The following RTN4 variants were observed in gnomAD, a reference collection of about 807,000 sequenced individuals.
The protein encoded by RTN4 is reticulon-4.
RTN4 carries 32 observed loss-of-function variants against 90.4 expected under a neutral mutation model. The ratio of observed to expected loss-of-function variants is 0.35; its 90% confidence interval spans 0.27 to 0.48. The LOEUF (loss-of-function observed/expected upper bound fraction) is 0.48. Ranked by LOEUF, RTN4 falls within the 20% of genes least tolerant of loss-of-function variation. The pLI, the probability that RTN4 is intolerant of heterozygous loss-of-function variation, is 0.99. For synonymous variants in RTN4, 629 were observed against 552.5 expected (o/e 1.14, Z -1.94); for missense variants, 1,706 against 1,430.2 (o/e 1.19, Z -3.11).
At position 55,099,969 on chromosome 2, in the gene RTN4, T is replaced by C. The variant is rs542767124; in HGVS notation, c.-214+12551A>G. Among the ~76,000 whole-genome samples, 15 of 152,250 alleles carry C rather than the reference T, an allele frequency of 9.9e-5. No individual in the cohort carries two copies. In the East Asian group the frequency reaches 2.9e-3, roughly 29 times the overall value. ...ACTGTGGGTCAACTGATATGCAACA[T>C]GGACTTACATTTTATTCATATCTAG... On this transcript the variant is annotated intron_variant, in intron 1 of 3. Coordinates refer to the RTN4 transcript ENST00000427710.
chr2:55,012,513 C>A (rs565974700), intron 3 of RTN4, among the ~76,000 whole-genome samples: 1 of 152,058 alleles, frequency 6.6e-6, no homozygotes, highest in Admixed American at 6.6e-5. Flanking sequence ...CAAAAAAGTG[C>A]TTAAATCTGA....
chr2:54,993,918 G>A (rs909629185), intron 3 of RTN4, among the ~76,000 whole-genome samples: 5 of 152,134 alleles, frequency 3.3e-5, no homozygotes, highest in African/African-American at 7.2e-5. Flanking sequence ...ATCTTTTTCC[G>A]TAAAGAAGCT....
chr2:54,988,329 C>G (rs1406839875), intron 3 of RTN4, among the ~76,000 whole-genome samples: 2 of 152,048 alleles, frequency 1.3e-5, no homozygotes, highest in Non-Finnish European at 2.9e-5. Flanking sequence ...AAAAAATCAT[C>G]TTGGGGTTTT....
At chr2:54,974,644 G>C in intron 6 of RTN4, 51 bp downstream of exon 6, 1 of 1,363,754 alleles carries the variant, frequency 7.3e-7, no homozygotes, top group South Asian at 1.2e-5. Context: ...CTAAGCTCCT[G>C]GCACACAATC....
At chr2:54,984,970 G>A (rs946771846) in intron 4 of RTN4, among the ~76,000 whole-genome samples, 2 of 151,852 alleles carry the variant, frequency 1.3e-5, no homozygotes, top group Non-Finnish European at 2.9e-5. Context: ...GAATAAAGTT[G>A]TTTCTAAGAA....
intron 1 of RTN4, among the ~76,000 whole-genome samples, chr2:55,106,021 T>C (rs1036237095): frequency 2.6e-5 from 4 of 152,160 alleles, no homozygotes; most frequent in African/African-American, 9.7e-5. Flanking sequence ...TTGTATCTTA[T>C]TTCTTTTCTC....
At chr2:55,105,510 A>G (rs112447653) in intron 1 of RTN4, among the ~76,000 whole-genome samples, 15 of 152,188 alleles carry the variant, frequency 9.9e-5, no homozygotes, top group African/African-American at 3.6e-4. Context: ...GATTACAGGC[A>G]TGAGCCACCA....
the RTN4 span, among the ~76,000 whole-genome samples, chr2:55,135,694 C>T: frequency 0.093 from 14,086 of 152,144 alleles, 760 homozygotes; most frequent in East Asian, 0.22. Context: ...TGAACATCTC[C>T]GTCAACCCCA....
intron 1 of RTN4, among the ~76,000 whole-genome samples, chr2:55,087,121 G>A (rs1319843542): frequency 6.6e-6 from 1 of 152,108 alleles, no homozygotes; most frequent in Non-Finnish European, 1.5e-5. Flanking sequence ...TATTCATCTG[G>A]TCATCCAACA....
chr2:54,980,730 T>C (rs1443193690), intron 5 of RTN4, among the ~76,000 whole-genome samples: 1 of 152,246 alleles, frequency 6.6e-6, no homozygotes, highest in Non-Finnish European at 1.5e-5. Flanking sequence ...GATGGTCCTT[T>C]GCTGTTTGAA....
chr2:54,988,127 G>T (rs112622709), intron 3 of RTN4, among the ~76,000 whole-genome samples: 12 of 152,184 alleles, frequency 7.9e-5, no homozygotes, highest in African/African-American at 2.7e-4. Flanking sequence ...CACCAGCCTG[G>T]CCAACACGGC....
chr2:55,093,777 C>A (rs1668983853), intron 1 of RTN4, among the ~76,000 whole-genome samples: 1 of 152,110 alleles, frequency 6.6e-6, no homozygotes, highest in Non-Finnish European at 1.5e-5. Context: ...GTCTGAGGGC[C>A]CCTTAACTAA....
At chr2:55,079,622 T>C (rs929519505) in intron 2 of RTN4, among the ~76,000 whole-genome samples, 3 of 152,202 alleles carry the variant, frequency 2.0e-5, no homozygotes, top group Non-Finnish European at 4.4e-5. Context: ...ATGTTGTCAG[T>C]TCAGAGTGTT....
chr2:55,046,214 C>G (rs577536941), intron 1 of RTN4, among the ~76,000 whole-genome samples: 5 of 152,356 alleles, frequency 3.3e-5, no homozygotes, highest in African/African-American at 7.2e-5. Flanking sequence ...CATCAGTCCT[C>G]TCAGTAGCCC....
In RTN4 at chr2:54,972,980, G is replaced by T. The variant is rs200317855; in HGVS notation, c.*176C>A. The T allele has an allele frequency of 7.7e-6, 4 of 520,378 alleles. No individual in the cohort carries two copies. In the East Asian group the frequency reaches 1.1e-4, roughly 15 times the overall value. The allele number at this position is 520,378 out of a possible 1,614,324, so 32.2% of individuals were successfully genotyped here. A position where few individuals can be genotyped will look rare whatever the true frequency, so the allele number is the denominator to read the frequency against. On this transcript the variant is annotated 3_prime_UTR_variant, in exon 9 of 9. Transcript: ENST00000337526. ...ACAATACTTAAGATGATGAACACAT[G>T]GCAGTCAAGACAGGTAATTTTTCCT...
chr2:54,992,897 G>A (rs1046020042), intron 3 of RTN4, among the ~76,000 whole-genome samples: 9 of 151,284 alleles, frequency 5.9e-5, no homozygotes, highest in Admixed American at 2.0e-4. Flanking sequence ...GTGAAACCCC[G>A]TCTCTACTAA....
intron 3 of RTN4, chr2:55,010,488 G>T (rs1680555701): frequency 5.1e-6 from 2 of 391,688 alleles, no homozygotes; most frequent in Non-Finnish European, 7.3e-6. Flanking sequence ...ACCACTGAAT[G>T]TATCTGAAAT....
intron 3 of RTN4, among the ~76,000 whole-genome samples, chr2:54,990,573 C>T (rs927155299): frequency 6.6e-6 from 1 of 152,054 alleles, no homozygotes; most frequent in African/African-American, 2.4e-5. Flanking sequence ...TTACTCAATA[C>T]TTAAATAGTA....
Position 55,026,242 on chromosome 2 carries a change from T to C in RTN4, c.1857A>G (p.Pro619=), listed in dbSNP as rs1366266300. The C allele has an allele frequency of 6.2e-7, 1 of 1,613,882 alleles. No homozygotes were observed. The highest frequency in any genetic ancestry group is 8.5e-7 in the Non-Finnish European group (1 of 1,179,898). The part of the protein sequence containing the change: ...PVLPDIVMEA[P]LNSAVPSAGA... ...CAGCACTAGGAACTGCAGAATTCAA[T>C]GGTGCTTCCATAACAATGTCAGGCA... is the stretch of plus-strand genomic sequence containing the variant. Residue 619 remains proline (P), a synonymous_variant, in exon 3 of 9, where the codon CCA becomes CCG. Coordinates refer to ENST00000337526, the MANE Select transcript of RTN4 (RefSeq NM_020532.5).
Sources: allele counts gnomAD v4.1 joint callset (sites outside exome capture counted in the v4.1 genomes callset), GRCh38; gene constraint gnomAD v4.1.1; transcripts MANE v1.5; gene names NCBI Gene and HGNC (gene_info 2026-07-23, HGNC 2026-07-21).